LMO7: variants seen among roughly 807,000 people sequenced by gnomAD.
LMO7 encodes LIM domain only protein 7.
LMO7 carries 120 observed loss-of-function variants against 206.5 expected under a neutral mutation model. The observed-to-expected ratio is 0.58, with a 90% CI of 0.50 to 0.68. The LOEUF (loss-of-function observed/expected upper bound fraction) is 0.68, where lower values mean the gene tolerates loss of function less well. LMO7 is among the 30% of genes least tolerant of loss of function. The pLI, the probability that LMO7 is intolerant of heterozygous loss-of-function variation, is 0.00. For missense variants in LMO7, 1,959 were observed against 1,957.9 expected (o/e 1.00, Z -0.01); for synonymous variants, 706 against 681.5 (o/e 1.04, Z -0.56).
intron 4 of LMO7, among the ~76,000 whole-genome samples, chr13:75,790,436 G>A (rs2053108583): frequency 6.6e-6 from 1 of 152,150 alleles, no homozygotes; most frequent in South Asian, 2.1e-4. Flanking sequence ...AGTGGAGCCA[G>A]AATTTACACA....
rs574556542 is a variant in LMO7, at chr13:75,759,795, C to G, written c.211-1137C>G. On this transcript the variant is annotated intron_variant, in intron 3 of 30. Coordinates refer to ENST00000377534, the MANE Select transcript of LMO7 (RefSeq NM_001306080.2). ...CAAGAACCCAAGCTGTAGAATTTAG[C>G]CACTTTATCTTAGGAAAAGAGTAAT... Among the ~76,000 whole-genome samples, 70 of 152,140 alleles carry G rather than the reference C, an allele frequency of 4.6e-4. 1 individual carries two copies. In the South Asian group the frequency reaches 0.014, roughly 31 times the overall value.
chr13:75,763,109 G>C (rs2048401899), intron 4 of LMO7, among the ~76,000 whole-genome samples: 1 of 152,144 alleles, frequency 6.6e-6, no homozygotes, highest in Admixed American at 6.6e-5. Context: ...AAAGGACTTA[G>C]TGTTGGTTAG....
chr13:75,795,828 G>C (rs1158031056), intron 5 of LMO7, among the ~76,000 whole-genome samples: 1 of 152,152 alleles, frequency 6.6e-6, no homozygotes, highest in Non-Finnish European at 1.5e-5. Context: ...GGTGATGGAG[G>C]GAAGGAGAGT....
chr13:75,651,434 C>T lies in LMO7; in HGVS notation c.69+14708C>T, dbSNP rs140316870. On this transcript the variant is annotated intron_variant, in intron 1 of 30. Coordinates refer to ENST00000377534, the MANE Select transcript of LMO7 (RefSeq NM_001306080.2). ...AAGTGATTCTCCTGCCTCAGCCTCCCGAGTGGCTGGGACTACAGGCACGTG... is the reference window on the plus strand; with the variant it reads ...AAGTGATTCTCCTGCCTCAGCCTCCTGAGTGGCTGGGACTACAGGCACGTG... 4.4e-3 allele frequency among the ~76,000 whole-genome samples: 666 copies of T among 151,966 alleles called. 6 individuals carry two copies. The highest frequency in any genetic ancestry group is 0.011 in the Admixed American group (172 of 15,260).
At chr13:75,689,429 T>C (rs1022041496) in intron 1 of LMO7, among the ~76,000 whole-genome samples, 3 of 152,176 alleles carry the variant, frequency 2.0e-5, no homozygotes, top group African/African-American at 7.2e-5. Flanking sequence ...ATTTTTCCAG[T>C]GTAGAGCATA....
chr13:75,638,911 A>G (rs1001515877), intron 1 of LMO7, among the ~76,000 whole-genome samples: 1 of 152,180 alleles, frequency 6.6e-6, no homozygotes, highest in African/African-American at 2.4e-5. Flanking sequence ...GCTTGCTGAT[A>G]GTCTTGCTAC....
chr13:75,700,782 G>A (rs9573622), intron 1 of LMO7, among the ~76,000 whole-genome samples: 6,868 of 152,222 alleles, frequency 0.045, 269 homozygotes, highest in African/African-American at 0.097. Flanking sequence ...TCACAGAGGG[G>A]GACACAGCAG....
Position 75,853,162 on chromosome 13 carries a change from CCCA to C in LMO7, c.4437_4439del (p.Thr1480del), listed in dbSNP as rs2060633150. 3 of 1,613,998 alleles carry C rather than the reference CCCA, an allele frequency of 1.9e-6. No homozygotes were observed. The Admixed American group carries it at 5.0e-5, about 27-fold the overall frequency. ...GAGACAGCCTCCTTGGCTCAATCAG[CCCA>C]CAGGATTCTATGCTTCTTCCTCTGT... is the stretch of plus-strand genomic sequence containing the variant. On this transcript the variant is annotated inframe_deletion, in exon 28 of 31. Transcript: ENST00000377534.
At chr13:75,827,821 C>T (rs920485900) in intron 15 of LMO7, among the ~76,000 whole-genome samples, 3 of 152,316 alleles carry the variant, frequency 2.0e-5, no homozygotes, top group South Asian at 4.1e-4. Context: ...AACCCCCAAA[C>T]GGGATGACAC....
intron 1 of LMO7, among the ~76,000 whole-genome samples, chr13:75,706,395 A>G (rs1043102989): frequency 6.6e-6 from 1 of 152,232 alleles, no homozygotes; most frequent in Non-Finnish European, 1.5e-5. Context: ...TGAGTTTACA[A>G]TTATATGGTA....
chr13:75,782,754 C>A (rs1355417138), intron 4 of LMO7, among the ~76,000 whole-genome samples: 2 of 152,184 alleles, frequency 1.3e-5, no homozygotes, highest in Admixed American at 6.5e-5. Context: ...CTGGCTGCAT[C>A]ACTGCTCCAA....
At position 75,717,703 on chromosome 13, in the gene LMO7, T is replaced by C. The variant is rs145674555; in HGVS notation, c.140+4451T>C. Among the ~76,000 whole-genome samples the C allele has an allele frequency of 1.2e-4, 18 of 152,042 alleles. No individual in the cohort carries two copies. In the East Asian group the frequency reaches 3.5e-3, roughly 29 times the overall value. Reference sequence around the variant, plus strand: ...TGTCATTCCTGCCAAGAGAGCTCTATCTTTTTGTTGGAGTTGGAGATCTCC... The same window carrying C: ...TGTCATTCCTGCCAAGAGAGCTCTACCTTTTTGTTGGAGTTGGAGATCTCC... On this transcript the variant is annotated intron_variant, in intron 2 of 30. Transcript: ENST00000377534.
chr13:75,643,334 A>G (rs2139036621), intron 1 of LMO7, among the ~76,000 whole-genome samples: 1 of 152,322 alleles, frequency 6.6e-6, no homozygotes, highest in South Asian at 2.1e-4. Context: ...AGTGACATCA[A>G]CATATTTGCC....
At position 75,831,780 on chromosome 13, in the gene LMO7, C is replaced by CT. The variant is rs138052869; in HGVS notation, c.2950-1270dup. Among the ~76,000 whole-genome samples the CT allele has an allele frequency of 8.7e-3, 1,327 of 152,250 alleles. 20 individuals carry two copies. Among genetic ancestry groups the CT allele is most frequent in the African/African-American group, 0.031 (1,272 of 41,538 alleles). ...ATTAATCCCTTCATGAGGGCAGATCCTCATGACCCAAACACCTGTTAAAGG... is the reference window on the plus strand; with the variant it reads ...ATTAATCCCTTCATGAGGGCAGATCCTTCATGACCCAAACACCTGTTAAAGG... On this transcript the variant is annotated intron_variant, in intron 15 of 30. Coordinates refer to ENST00000377534, the MANE Select transcript of LMO7 (RefSeq NM_001306080.2).
intron 1 of LMO7, among the ~76,000 whole-genome samples, chr13:75,653,353 T>C (rs1286510099): frequency 6.6e-6 from 1 of 152,116 alleles, no homozygotes; most frequent in Non-Finnish European, 1.5e-5. Context: ...TTCTGTGACA[T>C]GATAATTGCT....
intron 2 of LMO7, among the ~76,000 whole-genome samples, chr13:75,724,435 A>G (rs1456906200): frequency 6.6e-6 from 1 of 152,154 alleles, no homozygotes; most frequent in Non-Finnish European, 1.5e-5. Context: ...ATCCTAGTAC[A>G]TAGAGGTATC....
At chr13:75,657,183 C>A (rs1228967492) in intron 1 of LMO7, among the ~76,000 whole-genome samples, 1 of 152,180 alleles carries the variant, frequency 6.6e-6, no homozygotes, top group African/African-American at 2.4e-5. Context: ...AACAGAGAGG[C>A]AAGGATCTGT....
At chr13:75,637,445 C>T (rs1458082623) in intron 1 of LMO7, among the ~76,000 whole-genome samples, 4 of 152,174 alleles carry the variant, frequency 2.6e-5, no homozygotes, top group African/African-American at 9.7e-5. Flanking sequence ...TCATTAACGC[C>T]TTGGGGCTAC....
intron 11 of LMO7, among the ~76,000 whole-genome samples, chr13:75,811,259 G>C (rs2056364738): frequency 7.1e-6 from 1 of 140,436 alleles, no homozygotes; most frequent in Non-Finnish European, 1.5e-5. Flanking sequence ...TGCCCAGGCT[G>C]GTCTTGAGCT....
Sources: allele counts gnomAD v4.1 joint callset (sites outside exome capture counted in the v4.1 genomes callset), GRCh38; gene constraint gnomAD v4.1.1; transcripts MANE v1.5; gene names NCBI Gene and HGNC (gene_info 2026-07-23, HGNC 2026-07-21).